Variants in OR10J1 observed in about 807,000 individuals in gnomAD.
OR10J1 encodes the protein olfactory receptor 10J1.
For missense variants in OR10J1, 474 were observed against 376.6 expected (o/e 1.26, Z -2.14); for synonymous variants, 202 against 143.8 (o/e 1.40, Z -2.89).
chr1:159,439,640 C>A, upstream of OR10J1: 2 of 886,412 alleles, frequency 2.3e-6, no homozygotes, highest in Non-Finnish European at 3.5e-6. Flanking sequence ...GATAAGTAAA[C>A]CCAGGGATTA....
the OR10J1 span, among the ~76,000 whole-genome samples, chr1:159,426,400 C>T: frequency 2.0e-5 from 3 of 151,664 alleles, no homozygotes; most frequent in African/African-American, 4.8e-5. Flanking sequence ...TAATATTGCT[C>T]ATAACAAACA....
Position 159,440,240 on chromosome 1 carries a change from G to A in OR10J1, c.449G>A (p.Ser150Asn). ...LRIQLVLGAC[S>N]IGLIVAITQV... ...ATCCAACTTGTCCTGGGGGCCTGCA[G>A]CATTGGGCTGATTGTAGCAATAACG... The change falls in exon 1 of 1, where the codon AGC (serine) becomes AAC (asparagine). Residue 150 changes from serine to asparagine, a missense_variant. Coordinates refer to ENST00000423932, the MANE Select transcript of OR10J1 (RefSeq NM_012351.3). The A allele has an allele frequency of 6.2e-7, 1 of 1,614,156 alleles. No homozygotes were observed. Among genetic ancestry groups the A allele is most frequent in the Non-Finnish European group, 8.5e-7 (1 of 1,180,004 alleles).
At chr1:159,430,668 T>TGTGTGAGTGCGCGCGC in the OR10J1 span, among the ~76,000 whole-genome samples, 1 of 69,614 alleles carries the variant, frequency 1.4e-5, no homozygotes, top group African/African-American at 3.1e-5. Context: ...TGTGTGTGTG[T>TGTGTGAGTGCGCGCGC]GCGCGCGCGC....
chr1:159,407,086 G>A, the OR10J1 span, among the ~76,000 whole-genome samples: 1 of 152,128 alleles, frequency 6.6e-6, no homozygotes, highest in Non-Finnish European at 1.5e-5. Context: ...TCACACATAA[G>A]TGAATAACAG....
the OR10J1 span, among the ~76,000 whole-genome samples, chr1:159,406,712 C>T: frequency 1.3e-5 from 2 of 152,146 alleles, no homozygotes; most frequent in East Asian, 1.9e-4. Context: ...GGGCCAGGCA[C>T]TTCAGCTTCC....
At chr1:159,413,871 T>A in the OR10J1 span, among the ~76,000 whole-genome samples, 4 of 148,456 alleles carry the variant, frequency 2.7e-5, no homozygotes, top group Non-Finnish European at 6.0e-5. Context: ...AGTAAATAAA[T>A]AAAAATAAAA....
At chr1:159,408,918 A>C in the OR10J1 span, among the ~76,000 whole-genome samples, 1 of 152,090 alleles carries the variant, frequency 6.6e-6, no homozygotes, top group Non-Finnish European at 1.5e-5. Context: ...TCATAGCAAC[A>C]TTAAAGAGGC....
the OR10J1 span, among the ~76,000 whole-genome samples, chr1:159,424,026 C>A: frequency 6.6e-6 from 1 of 152,032 alleles, no homozygotes; most frequent in East Asian, 1.9e-4. Context: ...ACCAGCCTGG[C>A]CAAGATGGTG....
Position 159,440,130 on chromosome 1 carries a change from C to T in OR10J1, c.339C>T (p.Phe113=). The T allele has an allele frequency of 1.9e-6, 3 of 1,614,168 alleles. No individual in the cohort carries two copies. The highest frequency in any genetic ancestry group is 1.6e-4 in the Middle Eastern group (1 of 6,062). Residue 113 remains phenylalanine (F), a synonymous_variant, in exon 1 of 1, where the codon TTC becomes TTT. Coordinates refer to ENST00000423932, the MANE Select transcript of OR10J1 (RefSeq NM_012351.3). ...TAACCTTTGGCATCACTAACTGCTT[C>T]CTGCTCACAGCAATGGGATATGACC... ...FFVTFGITNC[F]LLTAMGYDRY...
At chr1:159,421,814 A>G in the OR10J1 span, among the ~76,000 whole-genome samples, 145 of 152,234 alleles carry the variant, frequency 9.5e-4, 2 homozygotes, top group African/African-American at 2.2e-3. Context: ...TCATGGCCCC[A>G]TGGTGACGTA....
upstream of OR10J1, among the ~76,000 whole-genome samples, chr1:159,434,606 A>G (rs925155057): frequency 2.6e-5 from 4 of 152,146 alleles, no homozygotes; most frequent in African/African-American, 9.7e-5. Context: ...ACAGTATGAT[A>G]TTGTAGATAG....
chr1:159,435,483 C>A (rs985784341), upstream of OR10J1, among the ~76,000 whole-genome samples: 1 of 152,266 alleles, frequency 6.6e-6, no homozygotes, highest in Admixed American at 6.5e-5. Context: ...TCAATAGGTA[C>A]AAATAGTACA....
chr1:159,405,056 G>A, the OR10J1 span, among the ~76,000 whole-genome samples: 3 of 152,042 alleles, frequency 2.0e-5, no homozygotes, highest in Non-Finnish European at 4.4e-5. Flanking sequence ...GCTCACCATG[G>A]GCTCCATAGG....
At chr1:159,436,870 T>C (rs576561919), upstream of OR10J1, among the ~76,000 whole-genome samples, 56 of 152,288 alleles carry the variant, frequency 3.7e-4, no homozygotes, top group Middle Eastern at 3.4e-3. Flanking sequence ...GACTGTCTCC[T>C]CCCTGTCTCA....
At chr1:159,405,081 T>C in the OR10J1 span, among the ~76,000 whole-genome samples, 1 of 152,006 alleles carries the variant, frequency 6.6e-6, no homozygotes, top group Non-Finnish European at 1.5e-5. Context: ...GGGTGATGCC[T>C]ACACCAGTGA....
the OR10J1 span, among the ~76,000 whole-genome samples, chr1:159,424,563 G>A: frequency 1.3e-5 from 2 of 151,438 alleles, no homozygotes; most frequent in East Asian, 1.9e-4. Context: ...TCAATGAGAT[G>A]AAAGAACTGA....
the OR10J1 span, among the ~76,000 whole-genome samples, chr1:159,418,848 C>T: frequency 1.3e-5 from 2 of 152,156 alleles, no homozygotes; most frequent in Non-Finnish European, 2.9e-5. Context: ...GGTGGAGCTG[C>T]CCAAGATCAT....
At chr1:159,401,591 A>G in the OR10J1 span, among the ~76,000 whole-genome samples, 1 of 152,056 alleles carries the variant, frequency 6.6e-6, no homozygotes, top group African/African-American at 2.4e-5. Context: ...ACAAGTAATG[A>G]GATTGAAGCC....
the OR10J1 span, among the ~76,000 whole-genome samples, chr1:159,408,382 G>T: frequency 6.8e-6 from 1 of 147,422 alleles, no homozygotes; most frequent in East Asian, 2.0e-4. Context: ...ACCAAACACC[G>T]CATATTCTCA....
Sources: allele counts gnomAD v4.1 joint callset (sites outside exome capture counted in the v4.1 genomes callset), GRCh38; gene constraint gnomAD v4.1.1; transcripts MANE v1.5; gene names NCBI Gene and HGNC (gene_info 2026-07-23, HGNC 2026-07-21).